The following NARS2 variants were observed in gnomAD, a reference collection of about 807,000 sequenced individuals.
NARS2 encodes asparaginyl-tRNA synthetase 2, mitochondrial, also known as asparaginyl-tRNA synthetase.
NARS2 carries 60 observed loss-of-function variants against 62.9 expected under a neutral mutation model. That is an observed-to-expected ratio of 0.95 (90% CI 0.77 to 1.18). The LOEUF (loss-of-function observed/expected upper bound fraction) is 1.18, where lower values mean the gene tolerates loss of function less well. Among genes scored for constraint, NARS2 ranks in the 50% most tolerant of loss-of-function variants. NARS2 has a pLI of 0.00. For synonymous variants in NARS2, 196 were observed against 200.0 expected (o/e 0.98, Z 0.17); for missense variants, 619 against 576.4 (o/e 1.07, Z -0.76).
intron 7 of NARS2, among the ~76,000 whole-genome samples, chr11:78,485,407 C>A (rs73504973): frequency 0.019 from 2,791 of 150,654 alleles, 82 homozygotes; most frequent in African/African-American, 0.064. Context: ...TAAAAAAAAA[C>A]AAAAAAAACT....
chr11:78,537,218 T>C (rs919748991), intron 5 of NARS2, among the ~76,000 whole-genome samples: 2 of 152,166 alleles, frequency 1.3e-5, no homozygotes, highest in Non-Finnish European at 2.9e-5. Context: ...AGAGAGAGTG[T>C]GTGTGTGTGT....
intron 11 of NARS2, among the ~76,000 whole-genome samples, chr11:78,460,002 A>T (rs898393790): frequency 1.3e-5 from 2 of 152,154 alleles, no homozygotes; most frequent in Non-Finnish European, 2.9e-5. Context: ...AGTAAGCAAA[A>T]TTATTTAGAT....
chr11:78,464,357 G>A (rs1051416116), intron 11 of NARS2, among the ~76,000 whole-genome samples: 2 of 152,154 alleles, frequency 1.3e-5, no homozygotes, highest in African/African-American at 2.4e-5. Flanking sequence ...AAGGGGACCC[G>A]AGCGGGTTGC....
At chr11:78,527,975 T>C (rs984998579) in intron 6 of NARS2, among the ~76,000 whole-genome samples, 6 of 152,202 alleles carry the variant, frequency 3.9e-5, no homozygotes, top group Non-Finnish European at 8.8e-5. Flanking sequence ...CTAAGTGTGC[T>C]GGCACATGCC....
Position 78,533,160 on chromosome 11 carries a change from G to C in NARS2, c.595-4224C>G, listed in dbSNP as rs550840234. On this transcript the variant is annotated intron_variant, in intron 5 of 13. Coordinates refer to ENST00000281038, the MANE Select transcript of NARS2 (RefSeq NM_024678.6). ...AGCCCCAGCACCAGCATGGACCGTT[G>C]CATCCAACTGACCTCGCTGAAGACT... 5.9e-5 allele frequency: 9 copies of C among 152,240 alleles called. No homozygotes were observed. The East Asian group carries it at 1.7e-3, about 29-fold the overall frequency. The allele number at this position is 152,240 out of a possible 1,614,324, so 9.4% of individuals were successfully genotyped here. A position where few individuals can be genotyped will look rare whatever the true frequency, so the allele number is the denominator to read the frequency against.
At chr11:78,534,904 T>C (rs1194082025) in intron 5 of NARS2, among the ~76,000 whole-genome samples, 2 of 152,184 alleles carry the variant, frequency 1.3e-5, no homozygotes, top group Admixed American at 1.3e-4. Flanking sequence ...AGGAATAATG[T>C]AATCCAAGGA....
intron 4 of NARS2, among the ~76,000 whole-genome samples, chr11:78,562,909 T>C (rs1856602956): frequency 6.6e-6 from 1 of 152,208 alleles, no homozygotes; most frequent in African/African-American, 2.4e-5. Flanking sequence ...AAATTTTTTA[T>C]TTGGAGGCTT....
At chr11:78,571,660 CACA>C (rs1355682045) in intron 1 of NARS2, 9 of 442,858 alleles carry the variant, frequency 2.0e-5, no homozygotes, top group African/African-American at 1.4e-4. Context: ...CGTAATAATG[CACA>C]ACATTTCGAA....
At chr11:78,472,586 A>C (rs1445695336) in intron 9 of NARS2, among the ~76,000 whole-genome samples, 2 of 152,248 alleles carry the variant, frequency 1.3e-5, no homozygotes, top group Admixed American at 6.5e-5. Context: ...CTGAAACAGC[A>C]CATTTTCATA....
chr11:78,478,715 G>A (rs373506723), intron 7 of NARS2, 32 bp from the exon 8 acceptor site: 31 of 1,417,666 alleles, frequency 2.2e-5, no homozygotes, highest in African/African-American at 7.2e-5. Flanking sequence ...CACCTGACAC[G>A]TAAGCAATTT....
intron 11 of NARS2, among the ~76,000 whole-genome samples, chr11:78,463,050 T>C (rs1257252085): frequency 1.3e-5 from 2 of 152,186 alleles, no homozygotes; most frequent in African/African-American, 4.8e-5. Flanking sequence ...CTTTATATTA[T>C]TGCCAACTTT....
intron 9 of NARS2, among the ~76,000 whole-genome samples, chr11:78,476,047 T>C (rs1859080053): frequency 1.3e-5 from 2 of 152,204 alleles, no homozygotes; most frequent in East Asian, 1.9e-4. Context: ...ACATTTGTGA[T>C]GTCTGCCTGC....
intron 11 of NARS2, among the ~76,000 whole-genome samples, chr11:78,447,117 A>C (rs1318242325): frequency 6.6e-6 from 1 of 152,054 alleles, no homozygotes; most frequent in Non-Finnish European, 1.5e-5. Flanking sequence ...CTAATTATTA[A>C]GAAAATGAAA....
Position 78,568,659 on chromosome 11 carries a change from A to C in NARS2, c.345T>G (p.Ile115Met), listed in dbSNP as rs1856819466. The stretch of plus-strand genomic sequence containing the variant: ...TGGCATCACAATTTCCAATAACTTT[A>C]ATTTTTTCTGCCTTCAGTTCCACAT... ...RQNVELKAEK[I>M]KVIGNCDAKD... Residue 115 changes from isoleucine (I) to methionine (M), a missense_variant, in exon 3 of 14, where the codon ATT becomes ATG. By Grantham distance (10) the Ile-to-Met change is conservative. Coordinates refer to ENST00000281038, the MANE Select transcript of NARS2 (RefSeq NM_024678.6). The C allele has an allele frequency of 6.2e-7, 1 of 1,612,998 alleles. No homozygotes were observed. Among genetic ancestry groups the C allele is most frequent in the East Asian group, 2.2e-5 (1 of 44,828 alleles).
chr11:78,477,692 T>C (rs1206560641), intron 9 of NARS2, among the ~76,000 whole-genome samples: 3 of 152,146 alleles, frequency 2.0e-5, no homozygotes, highest in Non-Finnish European at 2.9e-5. Context: ...GCAGATCATA[T>C]TACCCTTCAT....
At position 78,496,621 on chromosome 11, in the gene NARS2, T is replaced by C. The variant is rs555753062; in HGVS notation, c.690-3426A>G. Among the ~76,000 whole-genome samples the C allele has an allele frequency of 9.9e-4, 150 of 152,260 alleles. No homozygotes were observed. In the Middle Eastern group the frequency reaches 0.01, roughly 10 times the overall value. ...AAATTAGAAAGAAAAATTTTTAGTATATTCCCCCTTCTCAAAGATAACTAG... is the reference window on the plus strand; with the variant it reads ...AAATTAGAAAGAAAAATTTTTAGTACATTCCCCCTTCTCAAAGATAACTAG... On this transcript the variant is annotated intron_variant, in intron 6 of 13. Transcript: ENST00000281038.
chr11:78,449,330 G>A (rs1232993110), intron 11 of NARS2, among the ~76,000 whole-genome samples: 1 of 151,560 alleles, frequency 6.6e-6, no homozygotes, highest in African/African-American at 2.4e-5. Context: ...TAGAGACAGG[G>A]TTTCACCACG....
intron 9 of NARS2, among the ~76,000 whole-genome samples, chr11:78,471,539 C>A (rs1048301964): frequency 1.0e-4 from 15 of 147,602 alleles, no homozygotes; most frequent in African/African-American, 3.2e-4. Flanking sequence ...TCTTTTTTTT[C>A]TTTTATTATT....
intron 5 of NARS2, chr11:78,546,586 CAT>C (rs1389677825): frequency 2.0e-5 from 3 of 152,226 alleles, no homozygotes; most frequent in Non-Finnish European, 4.4e-5. Flanking sequence ...TCCTCCAGCA[CAT>C]GTCATGTAGT....
Sources: allele counts gnomAD v4.1 joint callset (sites outside exome capture counted in the v4.1 genomes callset), GRCh38; gene constraint gnomAD v4.1.1; transcripts MANE v1.5; gene names NCBI Gene and HGNC (gene_info 2026-07-23, HGNC 2026-07-21).